The following PDE4B variants were observed in gnomAD, a reference collection of about 807,000 sequenced individuals.
PDE4B encodes the protein 3',5'-cyclic-AMP phosphodiesterase 4B.
PDE4B carries 20 observed loss-of-function variants against 82.2 expected under a neutral mutation model. The observed-to-expected ratio is 0.24, with a 90% CI of 0.17 to 0.35. PDE4B has a LOEUF of 0.35. Ranked by LOEUF, PDE4B falls within the 10% of genes least tolerant of loss-of-function variation. The probability of loss-of-function intolerance (pLI) is 1.00; values close to 1 mark genes in which losing one functional copy is unlikely to be tolerated. For synonymous variants in PDE4B, 320 were observed against 318.9 expected, an observed-to-expected ratio of 1.00 and a Z score of -0.04; for missense variants, 655 against 907.2, an observed-to-expected ratio of 0.72 and a Z score of 3.57.
At chr1:65,952,291 T>C (rs2100574279) in intron 3 of PDE4B, among the ~76,000 whole-genome samples, 1 of 152,200 alleles carries the variant, frequency 6.6e-6, no homozygotes, top group East Asian at 1.9e-4. Flanking sequence ...TTACACCAAA[T>C]TAACCCTTAA....
At chr1:66,319,566 A>G (rs1189936981) in intron 7 of PDE4B, among the ~76,000 whole-genome samples, 1 of 152,228 alleles carries the variant, frequency 6.6e-6, no homozygotes, top group Non-Finnish European at 1.5e-5. Flanking sequence ...ATTGTATTGT[A>G]TATATCAAGA....
chr1:66,127,266 A>G (rs1645843980), intron 3 of PDE4B, among the ~76,000 whole-genome samples: 1 of 152,140 alleles, frequency 6.6e-6, no homozygotes, highest in East Asian at 1.9e-4. Flanking sequence ...GAGCTGGCTG[A>G]AGGATGAATG....
chr1:66,121,368 A>G (rs890654211), intron 3 of PDE4B, among the ~76,000 whole-genome samples: 5 of 152,308 alleles, frequency 3.3e-5, no homozygotes, highest in Non-Finnish European at 5.9e-5. Context: ...TATGGGGGCA[A>G]TTTTGAAAAC....
rs554176136 is a variant in PDE4B, at chr1:66,147,378, C to T, written c.282-100082C>T. ...GAAACTGAGGTTCAATATTGACTTG[C>T]CCAAGATAACACTGTTAGCTGATGG... On this transcript the variant is annotated intron_variant, in intron 3 of 16. Transcript: ENST00000341517. 3.2e-4 allele frequency among the ~76,000 whole-genome samples: 49 copies of T among 152,248 alleles called. No homozygotes were observed. In the South Asian group the frequency reaches 0.01, roughly 32 times the overall value.
rs1020067895 is a variant in PDE4B at position 66,348,968 on chromosome 1, C to A, written c.748-6559C>A. On this transcript the variant is annotated intron_variant, in intron 8 of 16. Transcript: ENST00000341517. ...TGGGAATCACTTTGGGTCTAGGAAA[C>A]GTCAATTTTTTAGTGTTCCAATAAT... Among the ~76,000 whole-genome samples, 9 of 152,050 alleles carry A rather than the reference C, an allele frequency of 5.9e-5. 3 individuals carry two copies. The highest frequency in any genetic ancestry group is 6.5e-5 in the Admixed American group (1 of 15,282).
chr1:66,090,196 G>GT (rs1319620901), intron 3 of PDE4B, among the ~76,000 whole-genome samples: 2 of 151,998 alleles, frequency 1.3e-5, no homozygotes, highest in Non-Finnish European at 2.9e-5. Context: ...AAATGTATTT[G>GT]TAGAATAGCA....
chr1:66,350,404 T>C (rs901146266), intron 8 of PDE4B, among the ~76,000 whole-genome samples: 6 of 152,030 alleles, frequency 3.9e-5, no homozygotes, highest in Non-Finnish European at 8.8e-5. Flanking sequence ...CTTACAGTTT[T>C]CTCCTACTGA....
chr1:66,007,022 A>G (rs1168032210), intron 3 of PDE4B, among the ~76,000 whole-genome samples: 1 of 151,894 alleles, frequency 6.6e-6, no homozygotes, highest in Non-Finnish European at 1.5e-5. Context: ...AGTGCAAGCT[A>G]CTCTTGAGGC....
chr1:66,238,362 G>T (rs1367640278), intron 3 of PDE4B, among the ~76,000 whole-genome samples: 1 of 152,154 alleles, frequency 6.6e-6, no homozygotes, highest in East Asian at 1.9e-4. Flanking sequence ...TGTGGCAAGG[G>T]CTAGATTATG....
chr1:65,917,622 A>G (rs973256539), intron 2 of PDE4B, among the ~76,000 whole-genome samples: 1 of 152,226 alleles, frequency 6.6e-6, no homozygotes, highest in Non-Finnish European at 1.5e-5. Flanking sequence ...TGGGAAGAAT[A>G]AATAACTTGT....
intron 9 of PDE4B, among the ~76,000 whole-genome samples, chr1:66,358,600 G>A (rs1023785792): frequency 1.3e-5 from 2 of 151,486 alleles, no homozygotes; most frequent in Non-Finnish European, 2.9e-5. Flanking sequence ...CTTGAATCCA[G>A]GAGATGGAGG....
intron 3 of PDE4B, among the ~76,000 whole-genome samples, chr1:66,051,450 G>A (rs1487588356): frequency 6.6e-6 from 1 of 152,060 alleles, no homozygotes; most frequent in East Asian, 1.9e-4. Flanking sequence ...ATTAGGGAAC[G>A]GAATCTGGGA....
At chr1:65,909,544 T>C (rs772501780) in intron 1 of PDE4B, among the ~76,000 whole-genome samples, 4 of 152,158 alleles carry the variant, frequency 2.6e-5, no homozygotes, top group Non-Finnish European at 5.9e-5. Context: ...CTAGTGTGAA[T>C]AAAACAGAAC....
intron 7 of PDE4B, among the ~76,000 whole-genome samples, chr1:66,316,625 C>G: frequency 6.6e-6 from 1 of 152,146 alleles, no homozygotes; most frequent in East Asian, 1.9e-4. Context: ...TTTATGTTGG[C>G]AGGATTTCAC....
At chr1:66,153,480 T>A (rs1021584520) in intron 3 of PDE4B, among the ~76,000 whole-genome samples, 61 of 152,074 alleles carry the variant, frequency 4.0e-4, no homozygotes, top group Admixed American at 4.0e-3. Context: ...AAGAACCTCA[T>A]GGGTTTTTTT....
At chr1:66,187,622 G>A (rs1286749309) in intron 3 of PDE4B, among the ~76,000 whole-genome samples, 1 of 152,230 alleles carries the variant, frequency 6.6e-6, no homozygotes, top group Non-Finnish European at 1.5e-5. Context: ...TATTTGCGTA[G>A]AGGTGTTTGT....
chr1:66,110,988 G>A (rs779706067), intron 3 of PDE4B, among the ~76,000 whole-genome samples: 1 of 152,040 alleles, frequency 6.6e-6, no homozygotes, highest in Non-Finnish European at 1.5e-5. Context: ...AGCTTACTTT[G>A]TAACGCCCTG....
At chr1:66,280,923 A>C (rs1656257164) in intron 7 of PDE4B, among the ~76,000 whole-genome samples, 1 of 152,180 alleles carries the variant, frequency 6.6e-6, no homozygotes, top group Non-Finnish European at 1.5e-5. Flanking sequence ...GAAAGCTGAG[A>C]GTGACTGGCA....
chr1:66,264,744 A>G (rs190908898), intron 6 of PDE4B, among the ~76,000 whole-genome samples: 3 of 152,324 alleles, frequency 2.0e-5, no homozygotes, highest in Admixed American at 2.0e-4. Context: ...AGAAAAACCT[A>G]GGGAATTAAT....
Sources: gnomAD v4.1 joint callset for allele counts (sites outside exome capture counted in the v4.1 genomes callset) on GRCh38, gnomAD v4.1.1 for gene constraint, MANE v1.5 for transcripts, NCBI Gene and HGNC (gene_info 2026-07-23, HGNC 2026-07-21) for gene names.